Variants in MAGI1 observed in about 807,000 individuals in gnomAD.
The protein encoded by MAGI1 is membrane-associated guanylate kinase, WW and PDZ domain-containing protein 1.
A neutral mutation model predicts 139.9 loss-of-function variants in MAGI1; 58 were observed. That is an observed-to-expected ratio of 0.41 (90% CI 0.34 to 0.52). MAGI1 has a LOEUF of 0.52. Ranked by LOEUF, MAGI1 falls within the 20% of genes least tolerant of loss-of-function variation. The probability of loss-of-function intolerance (pLI) is 0.12; values close to 1 mark genes in which losing one functional copy is unlikely to be tolerated. For synonymous variants in MAGI1, 812 were observed against 737.9 expected (o/e 1.10, Z -1.63); for missense variants, 1,874 against 1,901.6 (o/e 0.99, Z 0.27).
At chr3:65,365,224 G>A (rs754934130) in intron 18 of MAGI1, 1 of 622,162 alleles carries the variant, frequency 1.6e-6, no homozygotes, top group Non-Finnish European at 3.0e-6. Flanking sequence ...TAAAATTCTA[G>A]CCAAGGTATA....
chr3:66,020,233 T>G (rs530016159), intron 1 of MAGI1, among the ~76,000 whole-genome samples: 1 of 152,298 alleles, frequency 6.6e-6, no homozygotes, highest in Non-Finnish European at 1.5e-5. Flanking sequence ...TGAGCTCAGT[T>G]TGAGACCAGC....
chr3:65,758,674 G>A (rs78362279), intron 1 of MAGI1, among the ~76,000 whole-genome samples: 8,778 of 152,050 alleles, frequency 0.058, 333 homozygotes, highest in Non-Finnish European at 0.082. Flanking sequence ...TAGAGACCAG[G>A]GATACTGCTA....
intron 1 of MAGI1, among the ~76,000 whole-genome samples, chr3:65,870,021 C>T (rs1047105649): frequency 6.6e-6 from 1 of 152,132 alleles, no homozygotes; most frequent in African/African-American, 2.4e-5. Context: ...TGATTACTAC[C>T]CTCAAGTTGT....
chr3:65,386,183 G>C (rs570740307), intron 14 of MAGI1, among the ~76,000 whole-genome samples: 25 of 151,972 alleles, frequency 1.6e-4, no homozygotes, highest in Non-Finnish European at 3.2e-4. Context: ...TTAGGTGTGA[G>C]CTAGCATGGT....
At chr3:65,397,510 T>C (rs1944484967) in intron 13 of MAGI1, among the ~76,000 whole-genome samples, 2 of 151,944 alleles carry the variant, frequency 1.3e-5, no homozygotes, top group East Asian at 3.9e-4. Context: ...GGGTCCTCTA[T>C]ATAAAAACTT....
At chr3:65,799,895 G>C (rs1217048800) in intron 1 of MAGI1, among the ~76,000 whole-genome samples, 1 of 152,006 alleles carries the variant, frequency 6.6e-6, no homozygotes, top group Non-Finnish European at 1.5e-5. Context: ...CTTCAGCTGA[G>C]AAGATGTCTG....
At chr3:65,646,884 C>T (rs962276439) in intron 1 of MAGI1, among the ~76,000 whole-genome samples, 5 of 151,796 alleles carry the variant, frequency 3.3e-5, no homozygotes, top group South Asian at 2.1e-4. Flanking sequence ...TACAATTACA[C>T]GTAAAGCAGT....
rs779884222 is a variant in MAGI1 at position 65,812,458 on chromosome 3, T to TCACACACA, written c.314-190371_314-190370insTGTGTGTG. On this transcript the variant is annotated intron_variant, in intron 1 of 22. Coordinates refer to ENST00000402939, the MANE Select transcript of MAGI1 (RefSeq NM_001033057.2). ...CTCTCTCTCTCTTTCTCTCTCTCTCTCTCTCTCTCTCACACACACACACAC... is the reference window on the plus strand; with the variant it reads ...CTCTCTCTCTCTTTCTCTCTCTCTCTCACACACACTCTCTCTCTCACACACACACACAC... Among the ~76,000 whole-genome samples, 425 of 101,700 alleles carry TCACACACA rather than the reference T, an allele frequency of 4.2e-3. 1 individual carries two copies. The highest frequency in any genetic ancestry group is 9.4e-3 in the African/African-American group (240 of 25,648). The allele number at this position is 101,700 out of a possible 152,430, so 66.7% of individuals were successfully genotyped here.
intron 1 of MAGI1, among the ~76,000 whole-genome samples, chr3:65,849,944 C>T (rs1192576896): frequency 6.6e-6 from 1 of 152,142 alleles, no homozygotes; most frequent in Non-Finnish European, 1.5e-5. Flanking sequence ...CTCTGAAATG[C>T]AGATAAATTA....
At chr3:65,878,904 CT>C (rs1173465451) in intron 1 of MAGI1, among the ~76,000 whole-genome samples, 8 of 152,114 alleles carry the variant, frequency 5.3e-5, no homozygotes, top group Non-Finnish European at 1.0e-4. Context: ...GTATGGTTTT[CT>C]GCAGTGGGCA....
intron 1 of MAGI1, among the ~76,000 whole-genome samples, chr3:65,689,368 C>T (rs1223303539): frequency 6.6e-6 from 1 of 152,198 alleles, no homozygotes; most frequent in Non-Finnish European, 1.5e-5. Flanking sequence ...CAAAGTGTCC[C>T]ACCAGCAGCT....
chr3:65,940,491 G>T (rs988614912), intron 1 of MAGI1, among the ~76,000 whole-genome samples: 2 of 151,972 alleles, frequency 1.3e-5, no homozygotes, highest in African/African-American at 4.8e-5. Context: ...AGCTCTCTGG[G>T]GTCTGTTTTA....
chr3:66,013,520 G>A (rs1234917084), intron 1 of MAGI1, among the ~76,000 whole-genome samples: 2 of 151,834 alleles, frequency 1.3e-5, no homozygotes, highest in Non-Finnish European at 2.9e-5. Flanking sequence ...CCAGCACTTT[G>A]GGAGGCCAAG....
chr3:65,795,077 A>G (rs2040036204), intron 1 of MAGI1, among the ~76,000 whole-genome samples: 1 of 152,146 alleles, frequency 6.6e-6, no homozygotes, highest in Non-Finnish European at 1.5e-5. Context: ...GTCACGGAAA[A>G]CAGTTTGACA....
intron 2 of MAGI1, among the ~76,000 whole-genome samples, chr3:65,590,847 T>G (rs1300318035): frequency 6.6e-6 from 1 of 152,124 alleles, no homozygotes; most frequent in Non-Finnish European, 1.5e-5. Context: ...AAAGTCCATG[T>G]TTTTTCACCT....
chr3:65,692,597 T>C (rs551666104), intron 1 of MAGI1, among the ~76,000 whole-genome samples: 7 of 152,176 alleles, frequency 4.6e-5, no homozygotes, highest in Admixed American at 4.6e-4. Flanking sequence ...GCTGCTATGG[T>C]TTGAATGTAT....
In MAGI1 at chr3:65,354,995, T is replaced by A. The variant is rs1940139907; in HGVS notation, c.*1383A>T. On this transcript the variant is annotated 3_prime_UTR_variant, in exon 23 of 23. Coordinates refer to ENST00000402939, the MANE Select transcript of MAGI1 (RefSeq NM_001033057.2). ...AAAATGCAAAACAGTACTACAGAAA[T>A]ACACAATGCACTGTAAGCAGCGGTT... 1 of 151,396 alleles carries A rather than the reference T, an allele frequency of 6.6e-6. No individual in the cohort carries two copies. The highest frequency in any genetic ancestry group is 1.5e-5 in the Non-Finnish European group (1 of 67,922). 9.4% of individuals were successfully genotyped at this position (151,396 alleles called of 1,614,324 possible).
chr3:65,625,655 G>T (rs1468724064), intron 1 of MAGI1, among the ~76,000 whole-genome samples: 1 of 152,170 alleles, frequency 6.6e-6, no homozygotes, highest in Non-Finnish European at 1.5e-5. Flanking sequence ...TTATGATGTT[G>T]TTGAATGGAC....
intron 2 of MAGI1, among the ~76,000 whole-genome samples, chr3:65,511,689 C>A (rs1351384441): frequency 6.7e-6 from 1 of 149,162 alleles, no homozygotes; most frequent in African/African-American, 2.5e-5. Context: ...GACTTAGACT[C>A]CCACATATTA....
Sources: allele counts gnomAD v4.1 joint callset (sites outside exome capture counted in the v4.1 genomes callset), GRCh38; gene constraint gnomAD v4.1.1; transcripts MANE v1.5; gene names NCBI Gene and HGNC (gene_info 2026-07-23, HGNC 2026-07-21).